PXYLP1: variants seen among roughly 807,000 people sequenced by gnomAD.
The protein encoded by PXYLP1 is 2-phosphoxylose phosphatase 1.
A neutral mutation model predicts 37.9 loss-of-function variants in PXYLP1; 17 were observed. The ratio of observed to expected loss-of-function variants is 0.45; its 90% CI spans 0.31 to 0.67. The LOEUF (loss-of-function observed/expected upper bound fraction) is 0.67, where lower values mean the gene tolerates loss of function less well. PXYLP1 is among the 30% of genes least tolerant of loss of function. The pLI, the probability that PXYLP1 is intolerant of heterozygous loss-of-function variation, is 0.07. For missense variants in PXYLP1, 511 were observed against 612.0 expected (o/e 0.84, Z 1.74); for synonymous variants, 221 against 232.2 (o/e 0.95, Z 0.44).
intron 1 of PXYLP1, among the ~76,000 whole-genome samples, chr3:141,248,620 CACACACGTATATAT>C (rs1439297916): frequency 2.6e-5 from 2 of 75,540 alleles, no homozygotes; most frequent in Non-Finnish European, 2.3e-5. Context: ...CGTATATATA[CACACACGTATATAT>C]ACACACGTGT....
At chr3:141,269,208 C>T (rs887647317) in intron 2 of PXYLP1, among the ~76,000 whole-genome samples, 1 of 152,264 alleles carries the variant, frequency 6.6e-6, no homozygotes, top group Non-Finnish European at 1.5e-5. Context: ...CAGTGGGTTG[C>T]AGACCTTTGA....
At chr3:141,232,634 A>G (rs1383123097) in intron 1 of PXYLP1, among the ~76,000 whole-genome samples, 3 of 152,190 alleles carry the variant, frequency 2.0e-5, no homozygotes, top group African/African-American at 7.2e-5. Context: ...GAACTTGCCT[A>G]TGTCCTGATC....
chr3:141,293,223 A>G lies in PXYLP1; in HGVS notation c.*18A>G, dbSNP rs1397467205. 1.2e-6 allele frequency: 2 copies of G among 1,601,218 alleles called. No individual in the cohort carries two copies. The highest frequency in any genetic ancestry group is 1.7e-6 in the Non-Finnish European group (2 of 1,172,954). On this transcript the variant is annotated 3_prime_UTR_variant, in exon 6 of 6. Transcript: ENST00000286353. ...GATTCTAAAAGGTATGCAGTACAGC[A>G]GTATAGAATCCATGCCAATACAGAG...
intron 2 of PXYLP1, among the ~76,000 whole-genome samples, chr3:141,272,478 C>T (rs1201741246): frequency 6.6e-6 from 1 of 152,334 alleles, no homozygotes; most frequent in East Asian, 1.9e-4. Context: ...GTGTTCGCTA[C>T]TAACCCAAGT....
chr3:141,237,189 T>C (rs905938970), intron 1 of PXYLP1, among the ~76,000 whole-genome samples: 11 of 152,258 alleles, frequency 7.2e-5, no homozygotes, highest in African/African-American at 2.6e-4. Flanking sequence ...GTTACATAGT[T>C]TTTTGAAAAT....
intron 2 of PXYLP1, among the ~76,000 whole-genome samples, chr3:141,270,928 T>TC (rs1298216555): frequency 4.6e-5 from 7 of 152,196 alleles, no homozygotes; most frequent in African/African-American, 1.7e-4. Context: ...TCTCACTCTG[T>TC]CACCCAGGCT....
At chr3:141,265,780 A>G (rs1941495093) in intron 2 of PXYLP1, among the ~76,000 whole-genome samples, 1 of 152,196 alleles carries the variant, frequency 6.6e-6, no homozygotes, top group Admixed American at 6.5e-5. Context: ...AGTCTGCCAT[A>G]GGTGGAAGTA....
chr3:141,292,968 G>A lies in PXYLP1; in HGVS notation c.1206G>A (p.Arg402=). 5.0e-6 allele frequency: 8 copies of A among 1,614,176 alleles called. No homozygotes were observed. The highest frequency in any genetic ancestry group is 6.8e-6 in the Non-Finnish European group (8 of 1,180,042). ...CCAGGTTCCCAAGGTTTGCAGCCAGGTTGATCTTTGAGCTTTGGCAAGACA... is the reference window on the plus strand; with the variant it reads ...CCAGGTTCCCAAGGTTTGCAGCCAGATTGATCTTTGAGCTTTGGCAAGACA... ...SEARFPRFAA[R]LIFELWQDRE... The change falls in exon 6 of 6, where the codon AGG becomes AGA. Residue 402 remains arginine (R), a synonymous_variant. Transcript: ENST00000286353. The surrounding 1 kb of genome is among the most constrained non-coding windows in gnomAD (Gnocchi z 4.3).
intron 4 of PXYLP1, among the ~76,000 whole-genome samples, chr3:141,284,538 C>A (rs1361613253): frequency 6.6e-6 from 1 of 152,174 alleles, no homozygotes; most frequent in African/African-American, 2.4e-5. Flanking sequence ...ATACAGTCAT[C>A]CATAGAGGAT....
chr3:141,260,324 G>C (rs1941361294), intron 2 of PXYLP1, 70 bp downstream of exon 2: 2 of 1,538,006 alleles, frequency 1.3e-6, no homozygotes, highest in African/African-American at 1.4e-5. Flanking sequence ...GGCCCCAAAG[G>C]CTTGTTTTAT....
intron 2 of PXYLP1, chr3:141,273,444 T>C: frequency 1.0e-6 from 1 of 985,366 alleles, no homozygotes; most frequent in African/African-American, 1.7e-5. Context: ...ATCCTAGCTA[T>C]AGCTATGGGA....
At position 141,294,266 on chromosome 3, in the gene PXYLP1, A is replaced by G. The variant is rs1193606382; in HGVS notation, c.*1061A>G. 1 of 152,248 alleles carries G rather than the reference A, an allele frequency of 6.6e-6. No individual in the cohort carries two copies. Among genetic ancestry groups the G allele is most frequent in the Non-Finnish European group, 1.5e-5 (1 of 68,046 alleles). 9.4% of individuals were successfully genotyped at this position (152,248 alleles called of 1,614,324 possible). ...CCTGCTTGGTGGTTAGAAGGAGGCT[A>G]GAAGATGAATTCAGGCACTTTCTTC... On this transcript the variant is annotated 3_prime_UTR_variant, in exon 6 of 6. Coordinates refer to ENST00000286353, the MANE Select transcript of PXYLP1 (RefSeq NM_001037172.3).
chr3:141,289,817 CTG>C (rs59449762), intron 5 of PXYLP1, among the ~76,000 whole-genome samples: 23,178 of 152,036 alleles, frequency 0.15, 2,604 homozygotes, highest in African/African-American at 0.31. Context: ...GTCAGGGTGA[CTG>C]TGCAGAGAAC....
At chr3:141,254,124 G>T (rs1210102647) in intron 1 of PXYLP1, among the ~76,000 whole-genome samples, 3 of 152,070 alleles carry the variant, frequency 2.0e-5, no homozygotes, top group Non-Finnish European at 2.9e-5. Context: ...TGTTGGCCAG[G>T]CTGGTCTTGA....
At chr3:141,276,839 C>G (rs1941807304) in intron 2 of PXYLP1, among the ~76,000 whole-genome samples, 1 of 152,092 alleles carries the variant, frequency 6.6e-6, no homozygotes, top group African/African-American at 2.4e-5. Context: ...CATGATTTTC[C>G]AGTTTGATGA....
At chr3:141,256,494 T>G (rs1003904399) in intron 1 of PXYLP1, among the ~76,000 whole-genome samples, 1 of 152,136 alleles carries the variant, frequency 6.6e-6, no homozygotes, top group African/African-American at 2.4e-5. Flanking sequence ...CCACTTCTCA[T>G]GTTGGACACA....
At chr3:141,239,276 C>T (rs528079806) in intron 1 of PXYLP1, among the ~76,000 whole-genome samples, 22 of 152,290 alleles carry the variant, frequency 1.4e-4, no homozygotes, top group Middle Eastern at 3.4e-3. Context: ...TGTCTGTCTC[C>T]GTTGCAGTCC....
Position 141,293,346 on chromosome 3 carries a change from TG to T in PXYLP1, c.*145del. The T allele has an allele frequency of 1.1e-6, 1 of 921,300 alleles. No individual in the cohort carries two copies. The highest frequency in any genetic ancestry group is 1.8e-5 in the South Asian group (1 of 56,636). The allele number at this position is 921,300 out of a possible 1,614,324, so 57.1% of individuals were successfully genotyped here. On this transcript the variant is annotated 3_prime_UTR_variant, in exon 6 of 6. Transcript: ENST00000286353. Reference sequence around the variant, plus strand: ...ATTGTTTGTGGGAACCACAGATGGTTGGGGTTGAACAGTAAGCACATTGCTG... The same window carrying T: ...ATTGTTTGTGGGAACCACAGATGGTTGGGTTGAACAGTAAGCACATTGCTG...
At position 141,282,606 on chromosome 3, in the gene PXYLP1, C is replaced by T. The variant is rs73869564; in HGVS notation, c.365+3102C>T. 6.5e-3 allele frequency among the ~76,000 whole-genome samples: 990 copies of T among 152,310 alleles called. 14 individuals are homozygous for T. The highest frequency in any genetic ancestry group is 0.023 in the African/African-American group (946 of 41,562). ...TATTTGTTTTTGTTCACTGCTGCTG[C>T]ATTCCAAGTGCTTAGGACAGTGACT... On this transcript the variant is annotated intron_variant, in intron 4 of 5. Transcript: ENST00000286353.
Sources: allele counts gnomAD v4.1 joint callset (sites outside exome capture counted in the v4.1 genomes callset), GRCh38; gene constraint gnomAD v4.1.1; non-coding constraint Gnocchi (gnomAD v3.1); transcripts MANE v1.5; gene names NCBI Gene and HGNC (gene_info 2026-07-23, HGNC 2026-07-21).